The following CALHM4 variants were observed in gnomAD, a reference collection of about 807,000 sequenced individuals.
CALHM4 encodes calcium homeostasis modulator family member 4.
A neutral mutation model predicts 13.3 loss-of-function variants in CALHM4; 16 were observed. That is an observed-to-expected ratio of 1.20 (90% CI 0.81 to 1.82). The LOEUF (loss-of-function observed/expected upper bound fraction) is 1.82, where lower values mean the gene tolerates loss of function less well. Among genes scored for constraint, CALHM4 ranks in the 40% most tolerant of loss-of-function variants. CALHM4 has a pLI of 0.00. For missense variants in CALHM4, 344 were observed against 374.9 expected (o/e 0.92, Z 0.68); for synonymous variants, 127 against 137.1 (o/e 0.93, Z 0.52).
At chr6:116,532,289 C>T (rs959695008) in intron 1 of CALHM4, among the ~76,000 whole-genome samples, 6 of 152,044 alleles carry the variant, frequency 3.9e-5, no homozygotes, top group African/African-American at 9.7e-5. Flanking sequence ...TTCTGGAGAA[C>T]GGGGTCTCGC....
At chr6:116,529,525 GTAAAGTAGA>G (rs1246126079) in intron 1 of CALHM4, among the ~76,000 whole-genome samples, 6 of 152,174 alleles carry the variant, frequency 3.9e-5, no homozygotes, top group Admixed American at 2.0e-4. Context: ...GCTGCTCGAG[GTAAAGTAGA>G]TTGGAGCTGA....
chr6:116,545,280 A>T lies in CALHM4; in HGVS notation c.-1+1408A>T, dbSNP rs1006006122. ...GAAAAGAAGACCTTAAAGTGTGTAT[A>T]AAGAATTGATTATTCTTTATGTAGG... On this transcript the variant is annotated intron_variant, in intron 2 of 2. Transcript: ENST00000368597. Among the ~76,000 whole-genome samples, 16 of 152,094 alleles carry T rather than the reference A, an allele frequency of 1.1e-4. 1 individual carries two copies. Among genetic ancestry groups the T allele is most frequent in the African/African-American group, 3.6e-4 (15 of 41,440 alleles).
upstream of CALHM4, among the ~76,000 whole-genome samples, chr6:116,549,176 G>T (rs1226852403): frequency 1.3e-5 from 2 of 152,044 alleles, no homozygotes; most frequent in African/African-American, 2.4e-5. Context: ...AATCCTAGCT[G>T]CTTGGGAGGC....
intron 2 of CALHM4, among the ~76,000 whole-genome samples, chr6:116,546,210 C>G (rs927759182): frequency 6.6e-6 from 1 of 152,138 alleles, no homozygotes; most frequent in African/African-American, 2.4e-5. Flanking sequence ...AATGGGCGCT[C>G]TACAGTATCA....
chr6:116,543,766 T>C (rs1773603696), exon 2 of CALHM4: 1 of 1,453,988 alleles, frequency 6.9e-7, no homozygotes, highest in South Asian at 1.3e-5. Context: ...TGTTTTCAGT[T>C]GGAAGCAAGA....
intron 1 of CALHM4, among the ~76,000 whole-genome samples, chr6:116,542,851 C>T (rs563372338): frequency 2.8e-4 from 43 of 152,020 alleles, no homozygotes; most frequent in Non-Finnish European, 5.3e-4. Context: ...TCCATCTTCC[C>T]CTTAGGAAAC....
chr6:116,543,208 G>A (rs1773569732), intron 1 of CALHM4: 1 of 856,398 alleles, frequency 1.2e-6, no homozygotes, highest in African/African-American at 1.7e-5. Context: ...AGAACAGCTG[G>A]TGAAATGAAG....
At chr6:116,539,325 G>A (rs1425133196) in intron 1 of CALHM4, among the ~76,000 whole-genome samples, 3 of 152,140 alleles carry the variant, frequency 2.0e-5, no homozygotes, top group Non-Finnish European at 4.4e-5. Context: ...TAAACTCATT[G>A]TGCTAAGGTT....
rs117750891 is a variant in CALHM4, at chr6:116,543,835, G to A, written c.-38G>A. ...CCTAATGGCCCCCAGATCTGCCAAGGAGACCTTCAGGATAAACCCAAATGT... is the reference window on the plus strand; with the variant it reads ...CCTAATGGCCCCCAGATCTGCCAAGAAGACCTTCAGGATAAACCCAAATGT... On this transcript the variant is annotated 5_prime_UTR_variant, in exon 2 of 3. Transcript: ENST00000368597. The A allele has an allele frequency of 8.1e-3, 12,493 of 1,534,176 alleles. 87 individuals are homozygous for A. The highest frequency in any genetic ancestry group is 9.1e-3 in the Non-Finnish European group (10,469 of 1,146,040).
upstream of CALHM4, among the ~76,000 whole-genome samples, chr6:116,548,996 A>G (rs12190499): frequency 9.2e-3 from 1,407 of 152,300 alleles, 13 homozygotes; most frequent in Non-Finnish European, 0.015. Context: ...AATTTTAAAC[A>G]TAAGAAGGCC....
chr6:116,537,390 G>A lies in CALHM4; in HGVS notation c.-108-6375G>A, dbSNP rs1162155451. Among the ~76,000 whole-genome samples the A allele has an allele frequency of 3.9e-5, 6 of 152,294 alleles. No individual in the cohort carries two copies. In the East Asian group the frequency reaches 7.7e-4, roughly 20 times the overall value. On this transcript the variant is annotated intron_variant, in intron 1 of 2. Coordinates refer to the CALHM4 transcript ENST00000368597. ...CTTGGTGAAAATTGTGTACCATTAG[G>A]AGGTCAAATTTCGTTAGAATCTTCT...
intron 1 of CALHM4, among the ~76,000 whole-genome samples, chr6:116,555,200 C>A (rs902263343): frequency 6.6e-6 from 1 of 152,114 alleles, no homozygotes; most frequent in Non-Finnish European, 1.5e-5. Context: ...CAATATGGCC[C>A]AGTTTTTAAA....
intron 1 of CALHM4, among the ~76,000 whole-genome samples, chr6:116,529,834 G>GC (rs2099838012): frequency 1.3e-5 from 2 of 152,136 alleles, no homozygotes; most frequent in African/African-American, 4.8e-5. Flanking sequence ...TTATTTTATG[G>GC]CCCCCAGGCT....
At chr6:116,552,168 T>C (rs148402296), upstream of CALHM4, among the ~76,000 whole-genome samples, 1 of 152,170 alleles carries the variant, frequency 6.6e-6, no homozygotes, top group East Asian at 1.9e-4. Flanking sequence ...TGAATGATAG[T>C]TTGGCTGGTA....
At chr6:116,543,913 G>A in intron 2 of CALHM4, 1 of 1,435,546 alleles carries the variant, frequency 7.0e-7, no homozygotes, top group Non-Finnish European at 9.4e-7. Context: ...AAAGGGGAAT[G>A]TGATATTTCC....
chr6:116,545,644 T>G, intron 2 of CALHM4: 1 of 671,388 alleles, frequency 1.5e-6, no homozygotes, highest in Non-Finnish European at 2.4e-6. Context: ...GAGTGCTGCT[T>G]CTGCACTCTG....
chr6:116,554,441 T>A, intron 1 of CALHM4, 90 bp downstream of exon 1: 1 of 1,110,234 alleles, frequency 9.0e-7, no homozygotes, highest in Non-Finnish European at 1.2e-6. Context: ...GCTTCTTATA[T>A]TCTCTGATTA....
intron 1 of CALHM4, among the ~76,000 whole-genome samples, chr6:116,541,930 A>T (rs907395235): frequency 3.3e-5 from 5 of 152,100 alleles, no homozygotes; most frequent in African/African-American, 9.7e-5. Context: ...CTAAATGTGA[A>T]TTTTTTTCTT....
At position 116,560,371 on chromosome 6, in the gene CALHM4, C is replaced by A. The variant is rs1216518817; in HGVS notation, c.*2160C>A. On this transcript the variant is annotated 3_prime_UTR_variant, in exon 2 of 2. Coordinates refer to ENST00000368596, the MANE Select transcript of CALHM4 (RefSeq NM_001366078.2). ...GAAAGAAGATTAATAGTTGTTTATACCCTAATACCAGGAAACTATTTCCAC... is the reference window on the plus strand; with the variant it reads ...GAAAGAAGATTAATAGTTGTTTATAACCTAATACCAGGAAACTATTTCCAC... Among the ~76,000 whole-genome samples the A allele has an allele frequency of 1.3e-5, 2 of 152,080 alleles. No homozygotes were observed. Among genetic ancestry groups the A allele is most frequent in the African/African-American group, 2.4e-5 (1 of 41,410 alleles).
Sources: gnomAD v4.1 joint callset for allele counts (sites outside exome capture counted in the v4.1 genomes callset) on GRCh38, gnomAD v4.1.1 for gene constraint, MANE v1.5 for transcripts, NCBI Gene and HGNC (gene_info 2026-07-23, HGNC 2026-07-21) for gene names.